The following CHRNA7 variants were observed in gnomAD, a reference collection of about 807,000 sequenced individuals.
The protein encoded by CHRNA7 is cholinergic receptor nicotinic alpha 7 subunit.
In CHRNA7, 17 loss-of-function variants were observed where a neutral mutation model predicts 48.0. The ratio of observed to expected loss-of-function variants is 0.35; its 90% confidence interval spans 0.24 to 0.53. CHRNA7 has a LOEUF of 0.53. Among genes scored for constraint, CHRNA7 ranks in the 20% least tolerant of loss-of-function variants. The pLI is 0.92. For synonymous variants in CHRNA7, 75 were observed against 242.3 expected (o/e 0.31, Z 6.41); for missense variants, 155 against 577.7 (o/e 0.27, Z 7.50).
intron 2 of CHRNA7, among the ~76,000 whole-genome samples, chr15:32,043,838 T>C (rs1274622853): frequency 6.6e-6 from 1 of 152,236 alleles, no homozygotes; most frequent in Non-Finnish European, 1.5e-5. Flanking sequence ...CCCTTTAGAC[T>C]TCTCTTTCTT....
intron 2 of CHRNA7, among the ~76,000 whole-genome samples, chr15:32,066,871 T>C (rs2049975573): frequency 1.3e-5 from 2 of 152,124 alleles, no homozygotes; most frequent in East Asian, 3.9e-4. Flanking sequence ...GATTCTGGAG[T>C]TAAAAATTCC....
At chr15:32,134,234 C>A (rs1260354734) in intron 4 of CHRNA7, among the ~76,000 whole-genome samples, 1 of 152,078 alleles carries the variant, frequency 6.6e-6, no homozygotes, top group Non-Finnish European at 1.5e-5. Flanking sequence ...TCTCGGCTCA[C>A]TGCAACCTTC....
chr15:32,120,122 G>T (rs2050942365), intron 4 of CHRNA7, among the ~76,000 whole-genome samples: 1 of 152,184 alleles, frequency 6.6e-6, no homozygotes, highest in Non-Finnish European at 1.5e-5. Flanking sequence ...CTGTTTGAGT[G>T]TCCACAAATC....
chr15:32,043,674 A>G (rs2049486933), intron 2 of CHRNA7, among the ~76,000 whole-genome samples: 1 of 152,106 alleles, frequency 6.6e-6, no homozygotes, highest in Non-Finnish European at 1.5e-5. Context: ...TTATTGTCAT[A>G]TATTTTATTT....
At chr15:32,106,093 T>G (rs1026908537) in intron 3 of CHRNA7, among the ~76,000 whole-genome samples, 1 of 152,186 alleles carries the variant, frequency 6.6e-6, no homozygotes, top group African/African-American at 2.4e-5. Flanking sequence ...GCTGTTCTTG[T>G]GTTCCCTGGC....
At chr15:32,148,478 A>G (rs2051539945) in intron 4 of CHRNA7, among the ~76,000 whole-genome samples, 1 of 152,074 alleles carries the variant, frequency 6.6e-6, no homozygotes, top group Non-Finnish European at 1.5e-5. Context: ...GGCAAGGCTG[A>G]GCCTAGGATC....
intron 3 of CHRNA7, chr15:32,111,519 CG>C (rs910858983): frequency 6.1e-6 from 2 of 329,728 alleles, no homozygotes; most frequent in African/African-American, 4.3e-5. Flanking sequence ...GGAGAAGGCT[CG>C]GGGACATGCA....
At chr15:32,057,547 G>C (rs1326031219) in intron 2 of CHRNA7, among the ~76,000 whole-genome samples, 1 of 152,088 alleles carries the variant, frequency 6.6e-6, no homozygotes, top group Non-Finnish European at 1.5e-5. Context: ...TATATTTCGG[G>C]TTTTGAAAAT....
At chr15:32,152,691 CTGG>C (rs1288079475) in intron 4 of CHRNA7, among the ~76,000 whole-genome samples, 1 of 152,146 alleles carries the variant, frequency 6.6e-6, no homozygotes, top group African/African-American at 2.4e-5. Flanking sequence ...GAGAGCAGGA[CTGG>C]TGTCAACCCC....
chr15:32,125,262 A>G (rs1385633523), intron 4 of CHRNA7, among the ~76,000 whole-genome samples: 1 of 152,202 alleles, frequency 6.6e-6, no homozygotes, highest in Non-Finnish European at 1.5e-5. Flanking sequence ...CCTCATTTAC[A>G]CTCATGATGA....
chr15:32,122,984 T>C (rs1216013972), intron 4 of CHRNA7, among the ~76,000 whole-genome samples: 1 of 152,168 alleles, frequency 6.6e-6, no homozygotes, highest in African/African-American at 2.4e-5. Flanking sequence ...TAAAATATTT[T>C]GTTGAACTGA....
chr15:32,034,126 G>A (rs1248870918), intron 2 of CHRNA7, among the ~76,000 whole-genome samples: 1 of 152,164 alleles, frequency 6.6e-6, no homozygotes. Flanking sequence ...TATACAAAGT[G>A]CTAGAAAACA....
At chr15:32,123,344 CAG>C (rs1412021037) in intron 4 of CHRNA7, among the ~76,000 whole-genome samples, 2 of 151,212 alleles carry the variant, frequency 1.3e-5, no homozygotes, top group Non-Finnish European at 2.9e-5. Flanking sequence ...GAATAGCTAT[CAG>C]AGTAACAGAA....
At chr15:32,089,367 CACTGATTCCTTGCTT>C (rs2050347112) in intron 2 of CHRNA7, among the ~76,000 whole-genome samples, 2 of 152,006 alleles carry the variant, frequency 1.3e-5, no homozygotes, top group Non-Finnish European at 2.9e-5. Context: ...TTATCCAGCT[CACTGATTCCTTGCTT>C]GGCTGTGTCC....
chr15:32,070,809 C>A (rs2050046084), intron 2 of CHRNA7, among the ~76,000 whole-genome samples: 1 of 150,942 alleles, frequency 6.6e-6, no homozygotes, highest in Non-Finnish European at 1.5e-5. Flanking sequence ...GCCTCAGCCT[C>A]CCGAGTAGCT....
At chr15:32,108,904 A>G (rs1197507054) in intron 3 of CHRNA7, among the ~76,000 whole-genome samples, 4 of 152,138 alleles carry the variant, frequency 2.6e-5, no homozygotes, top group Non-Finnish European at 5.9e-5. Context: ...GAACAAGCTC[A>G]CGCCGCTAGT....
intron 3 of CHRNA7, among the ~76,000 whole-genome samples, chr15:32,104,388 A>C (rs568708336): frequency 3.9e-5 from 6 of 152,016 alleles, no homozygotes; most frequent in African/African-American, 1.4e-4. Context: ...TCAACTCTTC[A>C]TTGAGTCTTC....
At chr15:32,112,928 C>T (rs1271218954) in intron 4 of CHRNA7, among the ~76,000 whole-genome samples, 1 of 152,186 alleles carries the variant, frequency 6.6e-6, no homozygotes, top group African/African-American at 2.4e-5. Context: ...CATTTGCTGC[C>T]ACTTTTCTGC....
intron 2 of CHRNA7, among the ~76,000 whole-genome samples, chr15:32,078,221 T>C (rs2050163591): frequency 1.3e-5 from 2 of 152,198 alleles, no homozygotes; most frequent in South Asian, 4.1e-4. Flanking sequence ...AAGTTTTTAA[T>C]TTTAATGAAG....
Sources: allele counts gnomAD v4.1 joint callset (sites outside exome capture counted in the v4.1 genomes callset), GRCh38; gene constraint gnomAD v4.1.1; transcripts MANE v1.5; gene names NCBI Gene and HGNC (gene_info 2026-07-23, HGNC 2026-07-21).